Variants in BCAS2 observed in about 807,000 individuals in gnomAD.
The protein encoded by BCAS2 is BCAS2 pre-mRNA processing factor.
A neutral mutation model predicts 35.3 loss-of-function variants in BCAS2; 34 were observed. That is an observed-to-expected ratio of 0.96 (90% CI 0.73 to 1.28). The LOEUF (loss-of-function observed/expected upper bound fraction) is 1.28. Ranked by LOEUF, BCAS2 falls within the 50% of genes most tolerant of loss-of-function variation. The probability of loss-of-function intolerance (pLI) is 0.00; values close to 1 mark genes in which losing one functional copy is unlikely to be tolerated. For missense variants in BCAS2, 221 were observed against 268.1 expected (o/e 0.82, Z 1.23); for synonymous variants, 75 against 91.6 (o/e 0.82, Z 1.03).
chr1:114,570,838 A>G (rs372650538), intron 4 of BCAS2, 88 bp from the exon 5 acceptor site: 31 of 890,370 alleles, frequency 3.5e-5, no homozygotes, highest in South Asian at 3.1e-4. Context: ...GCCAAAAATC[A>G]TATTTATGGA....
At chr1:114,569,116 A>C (rs1406272961) in intron 6 of BCAS2, among the ~76,000 whole-genome samples, 1 of 152,200 alleles carries the variant, frequency 6.6e-6, no homozygotes, top group Non-Finnish European at 1.5e-5. Flanking sequence ...CTAAAAATAA[A>C]AGTTTAATAA....
chr1:114,581,407 G>A lies in BCAS2; in HGVS notation c.94-16C>T, dbSNP rs1309632431. The A allele has an allele frequency of 2.5e-6, 4 of 1,614,128 alleles. No homozygotes were observed. Among genetic ancestry groups the A allele is most frequent in the African/African-American group, 1.3e-5 (1 of 75,034 alleles). On this transcript the variant is annotated splice_polypyrimidine_tract_variant and intron_variant, in intron 1 of 6. Transcript: ENST00000369541. ...GCGCTGCAGCCTAAGAAAGAGAATA[G>A]GGACCAGGGTAGAAGTGGCAAATTG...
intron 3 of BCAS2, 25 bp from the exon 4 acceptor site, chr1:114,575,776 T>C: frequency 6.2e-7 from 1 of 1,608,602 alleles, no homozygotes; most frequent in South Asian, 1.1e-5. Context: ...CAAAATAAAA[T>C]AAAACCATCT....
In BCAS2 at chr1:114,567,682, GATA is replaced by G. The variant is rs1469522599; in HGVS notation, c.*445_*447del. 1.9e-5 allele frequency: 3 copies of G among 155,030 alleles called. No homozygotes were observed. Among genetic ancestry groups the G allele is most frequent in the Admixed American group, 1.3e-4 (2 of 15,644 alleles). The allele number at this position is 155,030 out of a possible 1,614,324, so 9.6% of individuals were successfully genotyped here. ...TACCTATGATGATGACGATGATGAT[GATA>G]ATGATAACTGTACAGTCACTGTCTT... On this transcript the variant is annotated 3_prime_UTR_variant, in exon 7 of 7. Coordinates refer to ENST00000369541, the MANE Select transcript of BCAS2 (RefSeq NM_005872.3).
chr1:114,570,589 C>T, intron 5 of BCAS2, 111 bp downstream of exon 5: 1 of 761,018 alleles, frequency 1.3e-6, no homozygotes, highest in Non-Finnish European at 2.2e-6. Context: ...GAGAGTGGAT[C>T]AATTGTTTAC....
At position 114,567,736 on chromosome 1, in the gene BCAS2, T is replaced by G. The variant is rs1478058388; in HGVS notation, c.*394A>C. Reference sequence around the variant, plus strand: ...TCTGAAGTTGTTTGGTGATCAAGAATGTGTTTAGAACTATCTCTTTATTAG... The same window carrying G: ...TCTGAAGTTGTTTGGTGATCAAGAAGGTGTTTAGAACTATCTCTTTATTAG... On this transcript the variant is annotated 3_prime_UTR_variant, in exon 7 of 7. Coordinates refer to ENST00000369541, the MANE Select transcript of BCAS2 (RefSeq NM_005872.3). 6.2e-6 allele frequency: 1 copy of G among 162,010 alleles called. No homozygotes were observed. Among genetic ancestry groups the G allele is most frequent in the Non-Finnish European group, 1.4e-5 (1 of 73,874 alleles). 10.0% of individuals were successfully genotyped at this position (162,010 alleles called of 1,614,324 possible). A position where few individuals can be genotyped will look rare whatever the true frequency, so the allele number is the denominator to read the frequency against.
Position 114,581,549 on chromosome 1 carries a change from C to T in BCAS2, c.43G>A (p.Ala15Thr). 2.5e-6 allele frequency: 4 copies of T among 1,613,864 alleles called. No homozygotes were observed. The highest frequency in any genetic ancestry group is 3.4e-6 in the Non-Finnish European group (4 of 1,180,038). ...GLVAGEVVVD[A>T]LPYFDQGYEA... ...TAACCTTGATCAAAATACGGCAGCGCATCCACCACAACCTCTCCAGCCACC... is the reference window on the plus strand; with the variant it reads ...TAACCTTGATCAAAATACGGCAGCGTATCCACCACAACCTCTCCAGCCACC... The change falls in exon 1 of 7, where the codon GCG becomes ACG. Residue 15 changes from alanine to threonine, a missense_variant. Coordinates refer to ENST00000369541, the MANE Select transcript of BCAS2 (RefSeq NM_005872.3).
chr1:114,570,559 A>G (rs1654618864), intron 5 of BCAS2, 141 bp downstream of exon 5: 3 of 657,284 alleles, frequency 4.6e-6, no homozygotes, highest in Middle Eastern at 8.3e-4. Flanking sequence ...GGGCAAACCC[A>G]GTGTCAGATG....
intron 4 of BCAS2, among the ~76,000 whole-genome samples, chr1:114,571,327 CTGAGA>C (rs934523968): frequency 6.6e-6 from 1 of 151,946 alleles, no homozygotes; most frequent in African/African-American, 2.4e-5. Context: ...TCCCAAAGTG[CTGAGA>C]TAACAGGCGT....
intron 4 of BCAS2, among the ~76,000 whole-genome samples, chr1:114,571,416 G>T (rs1409562788): frequency 6.6e-6 from 1 of 152,224 alleles, no homozygotes; most frequent in Admixed American, 6.5e-5. Context: ...AAGCTGGAGT[G>T]TAGTGGTGCA....
intron 2 of BCAS2, among the ~76,000 whole-genome samples, chr1:114,578,372 T>G (rs1640139637): frequency 6.6e-6 from 1 of 151,588 alleles, no homozygotes; most frequent in African/African-American, 2.4e-5. Flanking sequence ...TAGAAAATTC[T>G]GCAGTGACAG....
intron 1 of BCAS2, 37 bp downstream of exon 1, chr1:114,581,462 T>G (rs372868879): frequency 6.2e-7 from 1 of 1,613,932 alleles, no homozygotes; most frequent in South Asian, 1.1e-5. Context: ...CCGAGCCAGC[T>G]AGCAGTGAGT....
intron 4 of BCAS2, among the ~76,000 whole-genome samples, chr1:114,571,824 G>C (rs929993765): frequency 1.3e-5 from 2 of 152,106 alleles, no homozygotes; most frequent in African/African-American, 4.8e-5. Flanking sequence ...GTGAGAAAAA[G>C]AAAACTGTTG....
At chr1:114,576,431 T>TTTATTATTA (rs147601064) in intron 3 of BCAS2, among the ~76,000 whole-genome samples, 1,611 of 147,042 alleles carry the variant, frequency 0.011, 46 homozygotes, top group African/African-American at 0.038. Context: ...CCCAGGTACG[T>TTTATTATTA]TTATTATTAT....
intron 4 of BCAS2, among the ~76,000 whole-genome samples, chr1:114,572,213 C>T (rs532480765): frequency 6.6e-6 from 1 of 152,190 alleles, no homozygotes; most frequent in African/African-American, 2.4e-5. Context: ...GGTTTCCTTG[C>T]ATTAGCTGCA....
At chr1:114,577,126 G>A (rs1356780507) in intron 2 of BCAS2, among the ~76,000 whole-genome samples, 1 of 152,180 alleles carries the variant, frequency 6.6e-6, no homozygotes, top group African/African-American at 2.4e-5. Flanking sequence ...AAGAGGTGGG[G>A]TCTTTAAGAG....
chr1:114,577,766 C>T (rs1019651055), intron 2 of BCAS2, among the ~76,000 whole-genome samples: 17 of 152,190 alleles, frequency 1.1e-4, no homozygotes, highest in African/African-American at 4.1e-4. Flanking sequence ...GGATAAAGAA[C>T]TGCTTAAAAT....
chr1:114,569,667 T>A (rs1297101139), intron 6 of BCAS2, among the ~76,000 whole-genome samples: 1 of 151,684 alleles, frequency 6.6e-6, no homozygotes. Context: ...CGTGCCTATT[T>A]TTTTTTTTTT....
chr1:114,572,402 T>G (rs537780841), intron 4 of BCAS2, among the ~76,000 whole-genome samples: 1 of 152,222 alleles, frequency 6.6e-6, no homozygotes, highest in South Asian at 2.1e-4. Context: ...CCTGAAAGTT[T>G]AGTTTGTCTT....
Sources: gnomAD v4.1 joint callset for allele counts (sites outside exome capture counted in the v4.1 genomes callset) on GRCh38, gnomAD v4.1.1 for gene constraint, MANE v1.5 for transcripts, NCBI Gene and HGNC (gene_info 2026-07-23, HGNC 2026-07-21) for gene names.